The following JPH1 variants were observed in gnomAD, a reference collection of about 807,000 sequenced individuals.
The protein encoded by JPH1 is junctophilin 1.
In JPH1, 12 loss-of-function variants were observed where a neutral mutation model predicts 53.6. That is an observed-to-expected ratio of 0.22 (90% confidence interval 0.14 to 0.36). JPH1 has a LOEUF of 0.36. Among genes scored for constraint, JPH1 ranks in the 10% least tolerant of loss-of-function variants. The pLI, the probability that JPH1 is intolerant of heterozygous loss-of-function variation, is 1.00. For missense variants in JPH1, 808 were observed against 905.5 expected (o/e 0.89, Z 1.38); for synonymous variants, 375 against 363.8 (o/e 1.03, Z -0.35).
rs1808326547 is a variant in JPH1 at position 74,321,498 on chromosome 8, C to CCTCCTT, written c.-217_-212dup. Reference sequence around the variant, plus strand: ...CCGCCGCCTTCCTCCTCCTCCTCCTCCTCCTTCGCCGCCGCCGCCTGGGCC... The same window carrying CCTCCTT: ...CCGCCGCCTTCCTCCTCCTCCTCCTCCTCCTTCTCCTTCGCCGCCGCCGCCTGGGCC... On this transcript the variant is annotated 5_prime_UTR_variant, in exon 1 of 6. Coordinates refer to ENST00000342232, the MANE Select transcript of JPH1 (RefSeq NM_020647.4). The surrounding 1 kb of genome is among the most constrained non-coding windows in gnomAD (Gnocchi z 4.3). 1 of 481,732 alleles carries CCTCCTT rather than the reference C, an allele frequency of 2.1e-6. No homozygotes were observed. The highest frequency in any genetic ancestry group is 3.6e-5 in the East Asian group (1 of 27,750). 29.8% of individuals were successfully genotyped at this position (481,732 alleles called of 1,614,324 possible).
rs192157701 is a variant in JPH1, at chr8:74,237,824, G to A, written c.1906-521C>T. ...CCTCTGTTTGGACACCACCCTTTCC[G>A]TTAAGTAAAAGCTGTAAGTGAGAAG... On this transcript the variant is annotated intron_variant, in intron 4 of 5. Transcript: ENST00000342232. Among the ~76,000 whole-genome samples, 5 of 152,232 alleles carry A rather than the reference G, an allele frequency of 3.3e-5. No homozygotes were observed. In the East Asian group the frequency reaches 7.7e-4, roughly 23 times the overall value.
intron 2 of JPH1, among the ~76,000 whole-genome samples, chr8:74,310,466 G>C (rs752895578): frequency 6.6e-6 from 1 of 152,100 alleles, no homozygotes; most frequent in Non-Finnish European, 1.5e-5. Flanking sequence ...TATCCCTTAT[G>C]GTCTTGACGC....
chr8:74,241,430 G>A (rs1214136949), intron 4 of JPH1, among the ~76,000 whole-genome samples: 1 of 152,200 alleles, frequency 6.6e-6, no homozygotes, highest in Non-Finnish European at 1.5e-5. Context: ...ACTGGGACAG[G>A]TGTAATACAA....
chr8:74,275,028 A>C (rs976739173), intron 2 of JPH1, among the ~76,000 whole-genome samples: 2 of 152,224 alleles, frequency 1.3e-5, no homozygotes, highest in African/African-American at 4.8e-5. Context: ...ACTGTCAGCC[A>C]AATTTTTATT....
chr8:74,244,652 A>T lies in JPH1; in HGVS notation c.1782T>A (p.Ser594=). 1.2e-6 allele frequency: 2 copies of T among 1,614,196 alleles called. No homozygotes were observed. Among genetic ancestry groups the T allele is most frequent in the Non-Finnish European group, 1.7e-6 (2 of 1,180,054 alleles). ...PSANKWSPSK[S]VTKPVAKESK... ...TTTCTTTGGCAACTGGTTTTGTCACAGATTTGGAGGGACTCCACTTGTTAG... is the reference window on the plus strand; with the variant it reads ...TTTCTTTGGCAACTGGTTTTGTCACTGATTTGGAGGGACTCCACTTGTTAG... The change falls in exon 4 of 6, where the codon TCT becomes TCA. Residue 594 remains serine, a synonymous_variant. Coordinates refer to ENST00000342232, the MANE Select transcript of JPH1 (RefSeq NM_020647.4).
chr8:74,309,659 C>T lies in JPH1; in HGVS notation c.1139+5202G>A, dbSNP rs1264693084. Among the ~76,000 whole-genome samples, 5 of 152,134 alleles carry T rather than the reference C, an allele frequency of 3.3e-5. No homozygotes were observed. The South Asian group carries it at 6.2e-4, about 19-fold the overall frequency. ...TTAAGGAATTATTGGAGACAAGAGT[C>T]GATGGAGTAAAAATTGACGAAATGA... On this transcript the variant is annotated intron_variant, in intron 2 of 5. Coordinates refer to ENST00000342232, the MANE Select transcript of JPH1 (RefSeq NM_020647.4).
intron 2 of JPH1, among the ~76,000 whole-genome samples, chr8:74,291,945 A>C (rs1807339833): frequency 6.6e-6 from 1 of 152,116 alleles, no homozygotes; most frequent in African/African-American, 2.4e-5. Flanking sequence ...CAAACACCAC[A>C]TGTTCTCATT....
chr8:74,263,464 A>G (rs1806449876), intron 2 of JPH1, among the ~76,000 whole-genome samples: 2 of 152,242 alleles, frequency 1.3e-5, no homozygotes, highest in Admixed American at 1.3e-4. Flanking sequence ...AAATTTAAAA[A>G]TAAAAGCAAT....
intron 2 of JPH1, among the ~76,000 whole-genome samples, chr8:74,310,664 G>C (rs779582418): frequency 6.6e-6 from 1 of 152,180 alleles, no homozygotes; most frequent in African/African-American, 2.4e-5. Context: ...GAGAAGCAAA[G>C]CAAAGGTCCA....
At chr8:74,258,017 T>C (rs563919320) in intron 3 of JPH1, among the ~76,000 whole-genome samples, 1 of 152,220 alleles carries the variant, frequency 6.6e-6, no homozygotes, top group South Asian at 2.1e-4. Flanking sequence ...TCCTTGATTA[T>C]AGCCAAGTTT....
At chr8:74,265,194 C>T (rs1806496952) in intron 2 of JPH1, among the ~76,000 whole-genome samples, 1 of 152,114 alleles carries the variant, frequency 6.6e-6, no homozygotes, top group Non-Finnish European at 1.5e-5. Flanking sequence ...TGAACTCTAG[C>T]CCCCTGCAGT....
At position 74,244,949 on chromosome 8, in the gene JPH1, G is replaced by T. The variant is rs201786604; in HGVS notation, c.1485C>A (p.Asn495Lys). 2.5e-6 allele frequency: 4 copies of T among 1,614,084 alleles called. No individual in the cohort carries two copies. The African/African-American group carries it at 5.3e-5, about 22-fold the overall frequency. The change falls in exon 4 of 6, where the codon AAC (asparagine) becomes AAA (lysine). Residue 495 changes from asparagine (N) to lysine (K), a missense_variant. By Grantham distance (94) the Asn-to-Lys change is moderately conservative. Around this residue, in one of 2 missense-constraint regions of JPH1, gnomAD observed 756 missense variants for 811.9 expected, o/e 0.93. Transcript: ENST00000342232. ...KQNPSSGARL[N>K]QDKRSVADEQ... The stretch of plus-strand genomic sequence containing the variant: ...CATCAGCCACACTCCTTTTGTCTTG[G>T]TTGAGTCTCGCCCCTGAGCTGGGGT...
chr8:74,305,805 G>A (rs1807815331), intron 2 of JPH1, among the ~76,000 whole-genome samples: 1 of 152,150 alleles, frequency 6.6e-6, no homozygotes, highest in Non-Finnish European at 1.5e-5. Flanking sequence ...CACAATTCAA[G>A]TTTTTAAAAC....
intron 2 of JPH1, among the ~76,000 whole-genome samples, chr8:74,311,855 A>C (rs955376464): frequency 6.6e-6 from 1 of 152,038 alleles, no homozygotes; most frequent in East Asian, 1.9e-4. Flanking sequence ...TGAACTCATC[A>C]TTTTTTATGG....
At chr8:74,309,842 G>A (rs1807939251) in intron 2 of JPH1, among the ~76,000 whole-genome samples, 1 of 152,208 alleles carries the variant, frequency 6.6e-6, no homozygotes, top group South Asian at 2.1e-4. Flanking sequence ...TGGGGGGCTT[G>A]GACCAGATAT....
intron 2 of JPH1, among the ~76,000 whole-genome samples, chr8:74,297,758 A>G (rs1053409874): frequency 6.6e-6 from 1 of 152,212 alleles, no homozygotes; most frequent in African/African-American, 2.4e-5. Flanking sequence ...TGTGAATTTC[A>G]TTCTTTTATA....
In JPH1 at chr8:74,274,629, A is replaced by C. The variant is rs1806796613; in HGVS notation, c.1140-15126T>G. Among the ~76,000 whole-genome samples, 6 of 152,198 alleles carry C rather than the reference A, an allele frequency of 3.9e-5. No individual in the cohort carries two copies. The South Asian group carries it at 1.2e-3, about 32-fold the overall frequency. On this transcript the variant is annotated intron_variant, in intron 2 of 5. Coordinates refer to ENST00000342232, the MANE Select transcript of JPH1 (RefSeq NM_020647.4). Reference sequence around the variant, plus strand: ...CTGGAGTTATACTGTTGCTTCGAGAAGAAAAATAGGTCAGAAATGCCCTGA... The same window carrying C: ...CTGGAGTTATACTGTTGCTTCGAGACGAAAAATAGGTCAGAAATGCCCTGA...
intron 2 of JPH1, among the ~76,000 whole-genome samples, chr8:74,310,177 C>G (rs57982011): frequency 0.018 from 2,776 of 151,890 alleles, 72 homozygotes; most frequent in African/African-American, 0.055. Flanking sequence ...AGTTGGGATC[C>G]AGAACTAGAG....
At chr8:74,299,640 A>G (rs572379101) in intron 2 of JPH1, among the ~76,000 whole-genome samples, 1 of 152,216 alleles carries the variant, frequency 6.6e-6, no homozygotes, top group Non-Finnish European at 1.5e-5. Flanking sequence ...TCTTTGCTCA[A>G]TTAAACTCTG....
Sources: allele counts gnomAD v4.1 joint callset (sites outside exome capture counted in the v4.1 genomes callset), GRCh38; gene constraint gnomAD v4.1.1; regional missense constraint gnomAD v4.1.1; non-coding constraint Gnocchi (gnomAD v3.1); transcripts MANE v1.5; gene names NCBI Gene and HGNC (gene_info 2026-07-23, HGNC 2026-07-21).